ARNT: variants seen among roughly 807,000 people sequenced by gnomAD.
ARNT encodes the protein aryl hydrocarbon receptor nuclear translocator, also known as class E basic helix-loop-helix protein 2.
Under a neutral mutation model 105.0 loss-of-function variants are expected in ARNT, and 30 were observed. That is an observed-to-expected ratio of 0.29 (90% confidence interval 0.21 to 0.39). The LOEUF (loss-of-function observed/expected upper bound fraction) is 0.39. Ranked by LOEUF, ARNT falls within the 10% of genes least tolerant of loss-of-function variation. The pLI is 1.00. For synonymous variants in ARNT, 304 were observed against 344.0 expected (o/e 0.88, Z 1.29); for missense variants, 748 against 978.7 (o/e 0.76, Z 3.15).
Position 150,850,407 on chromosome 1 carries a change from G to A in ARNT, c.182+2355C>T, listed in dbSNP as rs587648799. On this transcript the variant is annotated intron_variant, in intron 3 of 21. Transcript: ENST00000358595. ...CCTGATTCTCCTGCCTCAGCCTGCC[G>A]AGTGCCTGCGATTGCAGTCGCGCGC... 5.2e-3 allele frequency among the ~76,000 whole-genome samples: 786 copies of A among 152,280 alleles called. 4 individuals carry two copies. Among genetic ancestry groups the A allele is most frequent in the Non-Finnish European group, 7.5e-3 (512 of 68,022 alleles).
chr1:150,870,720 G>A (rs1379728179), intron 1 of ARNT, among the ~76,000 whole-genome samples: 2 of 151,872 alleles, frequency 1.3e-5, no homozygotes, highest in Non-Finnish European at 1.5e-5. Context: ...CGTTGCCCAG[G>A]CTGGTCTCAA....
chr1:150,839,921 C>A (rs968751157), intron 5 of ARNT, among the ~76,000 whole-genome samples: 5 of 152,172 alleles, frequency 3.3e-5, no homozygotes, highest in African/African-American at 1.2e-4. Flanking sequence ...TTGTAAATTA[C>A]CACTCCCTCA....
chr1:150,833,719 A>G (rs976554789), intron 8 of ARNT, among the ~76,000 whole-genome samples: 2 of 149,254 alleles, frequency 1.3e-5, no homozygotes, highest in Non-Finnish European at 2.9e-5. Context: ...TAAAACGTAC[A>G]GTATATAATT....
intron 19 of ARNT, among the ~76,000 whole-genome samples, chr1:150,815,945 C>T (rs1049234224): frequency 6.6e-5 from 10 of 151,932 alleles, no homozygotes; most frequent in Non-Finnish European, 1.3e-4. Context: ...CTCCTTTGCT[C>T]CTGCCTTATG....
In ARNT at chr1:150,812,024, T is replaced by C; in HGVS notation, c.2367A>G (p.Glu789=). 6.4e-7 allele frequency: 1 copy of C among 1,553,804 alleles called. No individual in the cohort carries two copies. ...CCTTATCCTCACCCCAATAGTTCTATTCTGAAAAGGGGGGAAACATAGTTA... is the reference window on the plus strand; with the variant it reads ...CCTTATCCTCACCCCAATAGTTCTACTCTGAAAAGGGGGGAAACATAGTTA... The part of the protein sequence containing the change: ...PDLTMFPPFS[E] The change falls in exon 22 of 22, where the codon GAA becomes GAG. Residue 789 remains glutamate (E), a synonymous_variant. Transcript: ENST00000358595.
chr1:150,858,385 C>G lies in ARNT; in HGVS notation c.101G>C (p.Gly34Ala), dbSNP rs769659709. The G allele has an allele frequency of 1.4e-5, 23 of 1,609,484 alleles. No homozygotes were observed. The highest frequency in any genetic ancestry group is 8.4e-5 in the Admixed American group (5 of 59,548). ...CTTAATAGCCCTCTGGACAATGGCT[C>G]CTCCACCTTGAATTCCAGGTCCAGA... ...GNSGPGIQGGGAIVQRAIKRR... is the reference protein window; with the variant it reads ...GNSGPGIQGGAAIVQRAIKRR... The change falls in exon 2 of 22, where the codon GGA becomes GCA. Residue 34 changes from glycine to alanine, a missense_variant. Around this residue, in one of 4 missense-constraint regions of ARNT, gnomAD observed 93 missense variants for 101.6 expected, o/e 0.92. Coordinates refer to ENST00000358595, the MANE Select transcript of ARNT (RefSeq NM_001668.4).
intron 13 of ARNT, among the ~76,000 whole-genome samples, chr1:150,823,840 G>A (rs959602841): frequency 1.4e-5 from 2 of 147,226 alleles, no homozygotes; most frequent in African/African-American, 2.5e-5. Context: ...GTGAGCCACC[G>A]TGCCCAGACT....
chr1:150,814,396 C>A (rs1655400833), intron 19 of ARNT, among the ~76,000 whole-genome samples, 157 bp from the exon 20 acceptor site: 1 of 152,224 alleles, frequency 6.6e-6, no homozygotes, highest in African/African-American at 2.4e-5. Flanking sequence ...AACTCTCAAT[C>A]TCTCTTGACA....
At chr1:150,861,819 A>G (rs868865994) in intron 1 of ARNT, among the ~76,000 whole-genome samples, 6 of 152,330 alleles carry the variant, frequency 3.9e-5, no homozygotes, top group African/African-American at 1.4e-4. Flanking sequence ...GATAGTGGGA[A>G]ACCATTACAA....
intron 1 of ARNT, among the ~76,000 whole-genome samples, chr1:150,870,360 T>A (rs1667238748): frequency 5.3e-5 from 8 of 152,172 alleles, no homozygotes. Context: ...TAACAGTGGG[T>A]TTTACATTCA....
intron 4 of ARNT, among the ~76,000 whole-genome samples, chr1:150,844,675 A>G (rs2102024272): frequency 6.6e-6 from 1 of 152,328 alleles, no homozygotes; most frequent in East Asian, 1.9e-4. Flanking sequence ...TATTTAATAA[A>G]AACTTTCTAA....
At chr1:150,861,443 G>A (rs187016351) in intron 1 of ARNT, 9 of 266,694 alleles carry the variant, frequency 3.4e-5, no homozygotes, top group Middle Eastern at 1.5e-3. Context: ...GTATACCCAC[G>A]TTCACAGAAG....
intron 1 of ARNT, among the ~76,000 whole-genome samples, chr1:150,875,377 T>C (rs1445821327): frequency 6.6e-6 from 1 of 152,218 alleles, no homozygotes; most frequent in South Asian, 2.1e-4. Context: ...CCTATCAAAA[T>C]CTGGATATTG....
intron 19 of ARNT, among the ~76,000 whole-genome samples, chr1:150,814,759 C>A (rs1571168514): frequency 6.6e-6 from 1 of 152,180 alleles, no homozygotes; most frequent in East Asian, 1.9e-4. Flanking sequence ...AGGAGAATCA[C>A]TTGAACCCGG....
chr1:150,817,824 A>T, intron 15 of ARNT, 96 bp downstream of exon 15: 2 of 1,086,320 alleles, frequency 1.8e-6, no homozygotes, highest in Non-Finnish European at 2.6e-6. Context: ...AAAAAAAAAA[A>T]AAAAAAATTA....
chr1:150,817,813 CAAAAAAAAAAAA>C, intron 15 of ARNT, 95 bp downstream of exon 15: 1 of 685,162 alleles, frequency 1.5e-6, no homozygotes, highest in East Asian at 3.1e-5. Context: ...AACTCCTTCT[CAAAAAAAAAAAA>C]AAAAAATTAA....
chr1:150,866,211 G>A (rs1666562506), intron 1 of ARNT, among the ~76,000 whole-genome samples: 1 of 152,062 alleles, frequency 6.6e-6, no homozygotes, highest in Non-Finnish European at 1.5e-5. Flanking sequence ...CCAAACTCCT[G>A]ACCTCAGGTG....
chr1:150,852,279 A>G (rs1417489146), intron 3 of ARNT, among the ~76,000 whole-genome samples: 1 of 152,208 alleles, frequency 6.6e-6, no homozygotes, highest in Non-Finnish European at 1.5e-5. Flanking sequence ...AGGCTTGATA[A>G]GCACTTGCAC....
In ARNT at chr1:150,816,831, C is replaced by T. The variant is rs1167551497; in HGVS notation, c.1759G>A (p.Gly587Ser). Residue 587 changes from glycine (G) to serine (S), a missense_variant, in exon 18 of 22, where the codon GGC becomes AGC. Around this residue, in one of 4 missense-constraint regions of ARNT, gnomAD observed 360 missense variants for 411.9 expected, o/e 0.87. Coordinates refer to ENST00000358595, the MANE Select transcript of ARNT (RefSeq NM_001668.4). ...CGGGGGGTAGGAGGGAATGTGTTGC[C>T]CTGGGAGAATAGCTGTTGGGTGGCA... ...VPATQQLFSQ[G>S]NTFPPTPRPA... 5.7e-6 allele frequency: 9 copies of T among 1,591,044 alleles called. No homozygotes were observed. The highest frequency in any genetic ancestry group is 7.7e-6 in the Non-Finnish European group (9 of 1,174,480).
Sources: allele counts gnomAD v4.1 joint callset (sites outside exome capture counted in the v4.1 genomes callset), GRCh38; gene constraint gnomAD v4.1.1; regional missense constraint gnomAD v4.1.1; transcripts MANE v1.5; gene names NCBI Gene and HGNC (gene_info 2026-07-23, HGNC 2026-07-21).